CHST11: variants seen among roughly 807,000 people sequenced by gnomAD.
CHST11 encodes carbohydrate sulfotransferase 11.
In CHST11, 9 loss-of-function variants were observed where a neutral mutation model predicts 30.4. The ratio of observed to expected loss-of-function variants is 0.30; its 90% CI spans 0.18 to 0.52. The LOEUF is 0.52. Among genes scored for constraint, CHST11 ranks in the 20% least tolerant of loss-of-function variants. CHST11 has a pLI of 0.97. For synonymous variants in CHST11, 152 were observed against 187.8 expected, an observed-to-expected ratio of 0.81 and a Z score of 1.56; for missense variants, 348 against 460.6, an observed-to-expected ratio of 0.76 and a Z score of 2.24.
intron 2 of CHST11, among the ~76,000 whole-genome samples, chr12:104,626,371 A>T (rs189738735): frequency 6.6e-6 from 1 of 152,240 alleles, no homozygotes; most frequent in East Asian, 1.9e-4. Flanking sequence ...TCTTACAATT[A>T]TGTCATTAAC....
At chr12:104,722,040 G>A (rs906793746) in intron 2 of CHST11, among the ~76,000 whole-genome samples, 12 of 152,006 alleles carry the variant, frequency 7.9e-5, no homozygotes, top group African/African-American at 2.2e-4. Flanking sequence ...CCAAGCTGGC[G>A]TGCAGTGATG....
chr12:104,749,194 A>C (rs116502241), intron 2 of CHST11, among the ~76,000 whole-genome samples: 1,985 of 152,294 alleles, frequency 0.013, 38 homozygotes, highest in African/African-American at 0.045. Context: ...CAACACAGGC[A>C]AACTGAATCC....
At chr12:104,646,181 C>A (rs2039428246) in intron 2 of CHST11, among the ~76,000 whole-genome samples, 1 of 152,194 alleles carries the variant, frequency 6.6e-6, no homozygotes, top group African/African-American at 2.4e-5. Context: ...GAGATCCACT[C>A]CCCGCATCCC....
intron 2 of CHST11, among the ~76,000 whole-genome samples, chr12:104,717,381 T>C (rs189345090): frequency 6.6e-6 from 1 of 152,336 alleles, no homozygotes; most frequent in East Asian, 1.9e-4. Context: ...TCAGTAGGTC[T>C]TCATGGTATC....
chr12:104,539,299 A>G (rs750109540), intron 1 of CHST11, among the ~76,000 whole-genome samples: 2 of 152,142 alleles, frequency 1.3e-5, no homozygotes, highest in Non-Finnish European at 2.9e-5. Flanking sequence ...GCATCTGAAA[A>G]ATGGGGATAA....
At chr12:104,663,711 CT>C (rs1455097663) in intron 2 of CHST11, among the ~76,000 whole-genome samples, 1 of 152,172 alleles carries the variant, frequency 6.6e-6, no homozygotes, top group African/African-American at 2.4e-5. Flanking sequence ...TTGTAGAGAG[CT>C]GTGCATTTCT....
At chr12:104,502,253 C>G (rs1323765819) in intron 1 of CHST11, among the ~76,000 whole-genome samples, 1 of 151,934 alleles carries the variant, frequency 6.6e-6, no homozygotes, top group Non-Finnish European at 1.5e-5. Flanking sequence ...TGCTGTGTTG[C>G]CAAGGCTGGT....
At chr12:104,529,510 G>A (rs1864681485) in intron 1 of CHST11, among the ~76,000 whole-genome samples, 1 of 152,206 alleles carries the variant, frequency 6.6e-6, no homozygotes, top group African/African-American at 2.4e-5. Flanking sequence ...ACTTTAAAAA[G>A]ATGTAAATTG....
chr12:104,715,031 A>G (rs376990765), intron 2 of CHST11, among the ~76,000 whole-genome samples: 73 of 152,326 alleles, frequency 4.8e-4, no homozygotes, highest in African/African-American at 1.7e-3. Context: ...GTCCATGGGC[A>G]AGTTCTGGCT....
chr12:104,599,327 A>C (rs1592786822), intron 1 of CHST11, among the ~76,000 whole-genome samples: 1 of 152,216 alleles, frequency 6.6e-6, no homozygotes, highest in Non-Finnish European at 1.5e-5. Flanking sequence ...ATAAAAGCAG[A>C]CTTTTAATGG....
intron 1 of CHST11, among the ~76,000 whole-genome samples, chr12:104,494,183 A>G (rs2037776972): frequency 6.6e-6 from 1 of 152,188 alleles, no homozygotes; most frequent in African/African-American, 2.4e-5. Flanking sequence ...AGGCTGGGTG[A>G]CAAAATTGAG....
At chr12:104,694,387 C>T (rs921555356) in intron 2 of CHST11, among the ~76,000 whole-genome samples, 1 of 152,184 alleles carries the variant, frequency 6.6e-6, no homozygotes, top group Non-Finnish European at 1.5e-5. Flanking sequence ...ACTCAGCATT[C>T]ATCAAACACT....
chr12:104,626,438 A>G (rs887205591), intron 2 of CHST11, among the ~76,000 whole-genome samples: 13 of 152,286 alleles, frequency 8.5e-5, no homozygotes, highest in Middle Eastern at 3.4e-3. Context: ...TAAAAGCAGC[A>G]TTCACCGAAC....
At chr12:104,660,639 C>G (rs1220598702) in intron 2 of CHST11, among the ~76,000 whole-genome samples, 1 of 152,166 alleles carries the variant, frequency 6.6e-6, no homozygotes, top group Non-Finnish European at 1.5e-5. Context: ...CTCACAGGAG[C>G]CTTGTGAAGA....
chr12:104,565,562 T>TAAAA (rs2038556787), intron 1 of CHST11, among the ~76,000 whole-genome samples: 1 of 152,128 alleles, frequency 6.6e-6, no homozygotes, highest in African/African-American at 2.4e-5. Flanking sequence ...CCACTGTGCC[T>TAAAA]GGCCTCTAGG....
rs2038947649 is a variant in CHST11 at position 104,600,457 on chromosome 12, C to T, written c.119-1449C>T. Among the ~76,000 whole-genome samples the T allele has an allele frequency of 1.3e-5, 2 of 152,202 alleles. No individual in the cohort carries two copies. Among genetic ancestry groups the T allele is most frequent in the Admixed American group, 6.5e-5 (1 of 15,286 alleles). ...CTAAAATAGCTTCTGAAATTTGTCA[C>T]CAACACTTTTAAACTGTGGCTTTTG... On this transcript the variant is annotated intron_variant, in intron 1 of 2. Transcript: ENST00000303694. This position sits in a 1 kb window ranked among gnomAD's most constrained non-coding sequence, Gnocchi z 4.1.
At chr12:104,476,592 T>G (rs892321418) in intron 1 of CHST11, among the ~76,000 whole-genome samples, 3 of 152,086 alleles carry the variant, frequency 2.0e-5, no homozygotes, top group Non-Finnish European at 4.4e-5. Flanking sequence ...AAACTAAACT[T>G]TTGTCTGAGT....
intron 2 of CHST11, among the ~76,000 whole-genome samples, chr12:104,683,103 CG>C (rs773966244): frequency 6.6e-5 from 10 of 152,170 alleles, no homozygotes; most frequent in Admixed American, 3.9e-4. Flanking sequence ...CAAAAGGGGG[CG>C]GGGTCTTGAG....
rs575251276 is a variant in CHST11 at position 104,698,341 on chromosome 12, A to G, written c.205-58608A>G. ...GACAATGTTCTTGCTCCCTCTGCCA[A>G]TGTTCCCTGTCTCTACTTGTGAAAC... On this transcript the variant is annotated intron_variant, in intron 2 of 2. Transcript: ENST00000303694. Among the ~76,000 whole-genome samples, 10 of 152,222 alleles carry G rather than the reference A, an allele frequency of 6.6e-5. No individual in the cohort carries two copies. In the South Asian group the frequency reaches 1.5e-3, roughly 22 times the overall value.
Sources: allele counts gnomAD v4.1 joint callset (sites outside exome capture counted in the v4.1 genomes callset), GRCh38; gene constraint gnomAD v4.1.1; non-coding constraint Gnocchi (gnomAD v3.1); transcripts MANE v1.5; gene names NCBI Gene and HGNC (gene_info 2026-07-23, HGNC 2026-07-21).